Variants in TAS2R1 observed in about 807,000 individuals in gnomAD.
The protein encoded by TAS2R1 is taste 2 receptor member 1.
For missense variants in TAS2R1, 370 were observed against 353.4 expected, an observed-to-expected ratio of 1.05 and a Z score of -0.38; for synonymous variants, 141 against 134.2, an observed-to-expected ratio of 1.05 and a Z score of -0.35.
At chr5:9,802,881 C>T in the TAS2R1 span, among the ~76,000 whole-genome samples, 2 of 151,976 alleles carry the variant, frequency 1.3e-5, no homozygotes, top group Non-Finnish European at 2.9e-5. Context: ...CCAGCCTGGG[C>T]AACACAGCGA....
At chr5:9,880,001 G>A in the TAS2R1 span, among the ~76,000 whole-genome samples, 1 of 151,998 alleles carries the variant, frequency 6.6e-6, no homozygotes, top group African/African-American at 2.4e-5. Context: ...TCCTTTATCA[G>A]CAATAAAGAC....
chr5:9,678,980 G>A (rs1349125310), intron 1 of TAS2R1, among the ~76,000 whole-genome samples: 1 of 152,068 alleles, frequency 6.6e-6, no homozygotes, highest in Non-Finnish European at 1.5e-5. Context: ...TAGGTGAGTG[G>A]ATAAAATAAA....
the TAS2R1 span, among the ~76,000 whole-genome samples, chr5:9,874,452 C>A: frequency 7.9e-5 from 10 of 127,060 alleles, no homozygotes; most frequent in African/African-American, 2.9e-4. Context: ...GAAATTCCTG[C>A]ATTATTCTTC....
At chr5:9,760,916 C>T in the TAS2R1 span, 1 of 152,322 alleles carries the variant, frequency 6.6e-6, no homozygotes, top group South Asian at 2.1e-4. Context: ...CGTCCACCGC[C>T]ATACCAGCCT....
chr5:9,826,638 T>C, the TAS2R1 span, among the ~76,000 whole-genome samples: 2 of 152,202 alleles, frequency 1.3e-5, no homozygotes, highest in Non-Finnish European at 2.9e-5. Flanking sequence ...CTGTTCAAGA[T>C]AACTTTTTTA....
chr5:9,795,438 G>C, the TAS2R1 span, among the ~76,000 whole-genome samples: 4 of 152,098 alleles, frequency 2.6e-5, no homozygotes, highest in Non-Finnish European at 5.9e-5. Context: ...CAACATACCA[G>C]GGTTTCCCTA....
At chr5:9,723,336 T>C in the TAS2R1 span, among the ~76,000 whole-genome samples, 4 of 151,862 alleles carry the variant, frequency 2.6e-5, no homozygotes, top group East Asian at 7.8e-4. Context: ...GAGGGGAGAG[T>C]GCACTGATAA....
the TAS2R1 span, among the ~76,000 whole-genome samples, chr5:9,764,723 A>C: frequency 6.6e-6 from 1 of 152,222 alleles, no homozygotes; most frequent in African/African-American, 2.4e-5. Flanking sequence ...ATTTCTCTAG[A>C]TATATCAAAC....
chr5:9,748,637 G>A, the TAS2R1 span, among the ~76,000 whole-genome samples: 11 of 151,116 alleles, frequency 7.3e-5, no homozygotes, highest in African/African-American at 2.7e-4. Flanking sequence ...GGAGATAGTA[G>A]GCTTTTTTCA....
At chr5:9,663,082 C>A (rs1053194136) in intron 1 of TAS2R1, among the ~76,000 whole-genome samples, 2 of 152,044 alleles carry the variant, frequency 1.3e-5, no homozygotes, top group African/African-American at 4.8e-5. Flanking sequence ...TACAATTCTA[C>A]GTTATATTTG....
At chr5:9,684,866 A>C (rs961325558) in intron 1 of TAS2R1, among the ~76,000 whole-genome samples, 4 of 152,214 alleles carry the variant, frequency 2.6e-5, no homozygotes, top group Non-Finnish European at 5.9e-5. Context: ...TTAAAGGAAA[A>C]AAAAGACAAG....
At chr5:9,718,114 C>T in the TAS2R1 span, among the ~76,000 whole-genome samples, 3 of 151,652 alleles carry the variant, frequency 2.0e-5, no homozygotes, top group Non-Finnish European at 4.4e-5. Flanking sequence ...CACACGCCAC[C>T]ATGCCCAGCA....
chr5:9,848,752 G>A, the TAS2R1 span, among the ~76,000 whole-genome samples: 1 of 151,880 alleles, frequency 6.6e-6, no homozygotes. Context: ...ATAAAGTTGG[G>A]GAGATATTTT....
chr5:9,692,001 T>C (rs1160237692), intron 1 of TAS2R1, among the ~76,000 whole-genome samples: 2 of 152,184 alleles, frequency 1.3e-5, no homozygotes, highest in Non-Finnish European at 2.9e-5. Flanking sequence ...TTGGAGTCCA[T>C]GGAGTTCCAT....
the TAS2R1 span, among the ~76,000 whole-genome samples, chr5:9,835,417 C>A: frequency 6.6e-6 from 1 of 152,208 alleles, no homozygotes; most frequent in Non-Finnish European, 1.5e-5. Context: ...TATCTGCTGG[C>A]ACTTCACACC....
the TAS2R1 span, chr5:9,760,945 C>G: frequency 2.0e-5 from 3 of 152,196 alleles, no homozygotes; most frequent in Non-Finnish European, 4.4e-5. Context: ...CCGAGCTCGT[C>G]GATCTCCGAA....
chr5:9,778,159 C>T, the TAS2R1 span, among the ~76,000 whole-genome samples: 5 of 151,288 alleles, frequency 3.3e-5, no homozygotes, highest in Admixed American at 6.6e-5. Flanking sequence ...GGATTACAGG[C>T]GTGAGCCACC....
At chr5:9,704,039 G>C (rs1035171622) in intron 1 of TAS2R1, among the ~76,000 whole-genome samples, 13 of 152,252 alleles carry the variant, frequency 8.5e-5, no homozygotes, top group Non-Finnish European at 5.9e-5. Context: ...TGGATCCCTA[G>C]TCTAGAAAAT....
chr5:9,857,794 C>T, the TAS2R1 span, among the ~76,000 whole-genome samples: 1 of 151,972 alleles, frequency 6.6e-6, no homozygotes, highest in African/African-American at 2.4e-5. Context: ...TGCAGACTGG[C>T]TTTGTCTTGG....
Sources: allele counts gnomAD v4.1 joint callset (sites outside exome capture counted in the v4.1 genomes callset), GRCh38; gene constraint gnomAD v4.1.1; transcripts MANE v1.5; gene names NCBI Gene and HGNC (gene_info 2026-07-23, HGNC 2026-07-21).